GID4: variants seen among roughly 807,000 people sequenced by gnomAD.
GID4 encodes the protein glucose-induced degradation protein 4 homolog.
Under a neutral mutation model 32.4 loss-of-function variants are expected in GID4, and 7 were observed. The ratio of observed to expected loss-of-function variants is 0.22; its 90% CI spans 0.12 to 0.41. GID4 has a LOEUF of 0.41. GID4 is among the 10% of genes least tolerant of loss of function. The pLI, the probability that GID4 is intolerant of heterozygous loss-of-function variation, is 1.00. For missense variants in GID4, 309 were observed against 400.0 expected (o/e 0.77, Z 1.94); for synonymous variants, 166 against 170.0 (o/e 0.98, Z 0.18).
Position 18,058,982 on chromosome 17 carries a change from C to T in GID4, c.708+13C>T. On this transcript the variant is annotated intron_variant, in intron 4 of 5. Coordinates refer to ENST00000268719, the MANE Select transcript of GID4 (RefSeq NM_024052.5). ...CATGAGGTGGAAGGTAAGTTCCCAC[C>T]AGGTGGCCCTCCAGACTCCCAGCAA... The T allele has an allele frequency of 6.6e-7, 1 of 1,526,490 alleles. No homozygotes were observed. The highest frequency in any genetic ancestry group is 1.4e-5 in the African/African-American group (1 of 73,222). 94.6% of individuals were successfully genotyped at this position (1,526,490 alleles called of 1,614,324 possible).
Position 18,062,194 on chromosome 17 carries a change from TGAAA to T in GID4, c.839+223_839+226del, listed in dbSNP as rs1306977330. The T allele has an allele frequency of 1.9e-5, 9 of 472,416 alleles. No individual in the cohort carries two copies. In the East Asian group the frequency reaches 1.9e-4, roughly 10 times the overall value. The allele number at this position is 472,416 out of a possible 1,614,324, so 29.3% of individuals were successfully genotyped here. Reference sequence around the variant, plus strand: ...AAATGAGATGAAAATGAATTATAGGTGAAAGAACTCATTTCTAAGCACTTTTAAG... The same window carrying T: ...AAATGAGATGAAAATGAATTATAGGTGAACTCATTTCTAAGCACTTTTAAG... On this transcript the variant is annotated intron_variant, in intron 5 of 5. Coordinates refer to ENST00000268719, the MANE Select transcript of GID4 (RefSeq NM_024052.5).
At chr17:18,043,527 A>C (rs550459490) in intron 1 of GID4, among the ~76,000 whole-genome samples, 1 of 152,346 alleles carries the variant, frequency 6.6e-6, no homozygotes, top group South Asian at 2.1e-4. Flanking sequence ...AGCGTGGATT[A>C]GCTGTTTTAG....
chr17:18,043,442 A>C (rs568009215), intron 1 of GID4, among the ~76,000 whole-genome samples: 1 of 152,342 alleles, frequency 6.6e-6, no homozygotes, highest in South Asian at 2.1e-4. Flanking sequence ...TTCAATGAGA[A>C]TTGCATACAT....
intron 3 of GID4, chr17:18,056,740 A>C: frequency 6.4e-7 from 1 of 1,550,622 alleles, no homozygotes; most frequent in Non-Finnish European, 8.7e-7. Context: ...ACTCTGCTAG[A>C]CTGGACTGAA....
At chr17:18,048,629 A>C (rs1402160820) in intron 2 of GID4, among the ~76,000 whole-genome samples, 1 of 151,986 alleles carries the variant, frequency 6.6e-6, no homozygotes, top group Non-Finnish European at 1.5e-5. Flanking sequence ...GTTTGTTAAA[A>C]TATCAATTTT....
intron 3 of GID4, chr17:18,057,050 C>T: frequency 6.5e-7 from 1 of 1,537,858 alleles, no homozygotes; most frequent in Non-Finnish European, 8.8e-7. Context: ...GTATTGCATC[C>T]TCAGATTTTC....
At chr17:18,053,895 G>T (rs2044938990) in intron 2 of GID4, among the ~76,000 whole-genome samples, 1 of 152,180 alleles carries the variant, frequency 6.6e-6, no homozygotes, top group Non-Finnish European at 1.5e-5. Flanking sequence ...TCAAAGAAGG[G>T]CTGTCTGCTG....
chr17:18,039,594 C>A lies in GID4; in HGVS notation c.130C>A (p.Arg44Ser). ...GCAGCGGGCGGGTGGTCGCCCCTCCCGCCCCCACCCCGCGCGTGCGCGCCC... is the reference window on the plus strand; with the variant it reads ...GCAGCGGGCGGGTGGTCGCCCCTCCAGCCCCCACCCCGCGCGTGCGCGCCC... ...RRQRAGGRPS[R>S]PHPARARPGL... The change falls in exon 1 of 6, where the codon CGC (arginine) becomes AGC (serine). Residue 44 changes from arginine to serine, a missense_variant. Around this residue, in one of 2 missense-constraint regions of GID4, gnomAD observed 193 missense variants for 185.8 expected, o/e 1.04. Transcript: ENST00000268719. The surrounding 1 kb of genome is among the most constrained non-coding windows in gnomAD (Gnocchi z 5.3). The A allele has an allele frequency of 1.5e-6, 2 of 1,292,626 alleles. No homozygotes were observed. The highest frequency in any genetic ancestry group is 2.0e-6 in the Non-Finnish European group (2 of 1,023,960). The allele number at this position is 1,292,626 out of a possible 1,614,324, so 80.1% of individuals were successfully genotyped here.
At chr17:18,059,516 A>G (rs1472776914) in intron 4 of GID4, among the ~76,000 whole-genome samples, 1 of 152,166 alleles carries the variant, frequency 6.6e-6, no homozygotes, top group East Asian at 1.9e-4. Context: ...TTTTTGACTC[A>G]GCAGACCTCA....
At chr17:18,049,591 C>G (rs1224038862) in intron 2 of GID4, among the ~76,000 whole-genome samples, 1 of 152,062 alleles carries the variant, frequency 6.6e-6, no homozygotes, top group African/African-American at 2.4e-5. Flanking sequence ...TTCTGCTCCT[C>G]TCCCTTCTCC....
Position 18,066,643 on chromosome 17 carries a change from T to G in GID4, c.*1400T>G, listed in dbSNP as rs2045066550. The G allele has an allele frequency of 6.6e-6, 1 of 152,050 alleles. No individual in the cohort carries two copies. Among genetic ancestry groups the G allele is most frequent in the South Asian group, 2.1e-4 (1 of 4,818 alleles). The allele number at this position is 152,050 out of a possible 1,614,324, so 9.4% of individuals were successfully genotyped here. A position where few individuals can be genotyped will look rare whatever the true frequency, so the allele number is the denominator to read the frequency against. ...GAAAAGCTTTAAAAACAAGATTGCA[T>G]CATAACCCCCAGGAGCAAAGCAACC... is the stretch of plus-strand genomic sequence containing the variant. On this transcript the variant is annotated 3_prime_UTR_variant, in exon 6 of 6. Transcript: ENST00000268719.
intron 1 of GID4, among the ~76,000 whole-genome samples, chr17:18,040,360 C>T (rs936457088): frequency 6.6e-6 from 1 of 152,206 alleles, no homozygotes; most frequent in African/African-American, 2.4e-5. Flanking sequence ...TGAGACATGT[C>T]CTCCTGCCCC....
Position 18,068,381 on chromosome 17 carries a change from A to AAT in GID4, c.*3139_*3140insTA, listed in dbSNP as rs1048915221. 19 of 152,200 alleles carry AAT rather than the reference A, an allele frequency of 1.2e-4. No individual in the cohort carries two copies. Among genetic ancestry groups the AAT allele is most frequent in the Non-Finnish European group, 2.1e-4 (14 of 67,870 alleles). The allele number at this position is 152,200 out of a possible 1,614,324, so 9.4% of individuals were successfully genotyped here. A position where few individuals can be genotyped will look rare whatever the true frequency, so the allele number is the denominator to read the frequency against. On this transcript the variant is annotated 3_prime_UTR_variant, in exon 6 of 6. Transcript: ENST00000268719. ...ATCAATGTCCAAATAATTTAAAAAA[A>AAT]AAAATAAAGGTATTTAAGCAGTGAG...
At chr17:18,049,864 A>C (rs903227826) in intron 2 of GID4, among the ~76,000 whole-genome samples, 2 of 152,130 alleles carry the variant, frequency 1.3e-5, no homozygotes, top group Non-Finnish European at 2.9e-5. Flanking sequence ...TCTTGACCTC[A>C]GGTGATTTGC....
intron 1 of GID4, among the ~76,000 whole-genome samples, chr17:18,040,592 T>A (rs1770571483): frequency 6.6e-6 from 1 of 152,082 alleles, no homozygotes; most frequent in Middle Eastern, 3.4e-3. Flanking sequence ...CTTCTGTCTC[T>A]TCATGGTCCA....
intron 1 of GID4, among the ~76,000 whole-genome samples, chr17:18,044,703 A>G (rs2044835993): frequency 6.6e-6 from 1 of 152,216 alleles, no homozygotes; most frequent in South Asian, 2.1e-4. Context: ...TCCTAGACCA[A>G]TGATTGAGCA....
At chr17:18,056,961 G>A (rs1462813399) in intron 3 of GID4, 4 of 1,550,542 alleles carry the variant, frequency 2.6e-6, no homozygotes, top group Admixed American at 2.0e-5. Flanking sequence ...CTGCACCTGG[G>A]TTTGTCTGAG....
Position 18,056,976 on chromosome 17 carries a change from A to G in GID4, c.607-1892A>G, listed in dbSNP as rs750992849. ...CTGCACCTGGGTTTGTCTGAGATTT[A>G]CAATGTCTAATACACTTCACCTAGG... is the stretch of plus-strand genomic sequence containing the variant. On this transcript the variant is annotated intron_variant, in intron 3 of 5. Transcript: ENST00000268719. The G allele has an allele frequency of 5.2e-6, 8 of 1,550,600 alleles. No individual in the cohort carries two copies. In the South Asian group the frequency reaches 8.3e-5, roughly 16 times the overall value.
intron 1 of GID4, among the ~76,000 whole-genome samples, chr17:18,043,844 C>T (rs1245434781): frequency 6.6e-6 from 1 of 152,006 alleles, no homozygotes; most frequent in Admixed American, 6.5e-5. Flanking sequence ...CCACAGGTAC[C>T]CTTGTACTTG....
Sources: gnomAD v4.1 joint callset for allele counts (sites outside exome capture counted in the v4.1 genomes callset) on GRCh38, gnomAD v4.1.1 for gene constraint, gnomAD v4.1.1 regional missense constraint, Gnocchi (gnomAD v3.1) non-coding constraint, MANE v1.5 for transcripts, NCBI Gene and HGNC (gene_info 2026-07-23, HGNC 2026-07-21) for gene names.